The following IL12RB2 variants were observed in gnomAD, a reference collection of about 807,000 sequenced individuals.
IL12RB2 encodes interleukin 12 receptor subunit beta 2, also known as interleukin-12 receptor subunit beta-2.
A neutral mutation model predicts 89.4 loss-of-function variants in IL12RB2; 82 were observed. That is an observed-to-expected ratio of 0.92 (90% CI 0.77 to 1.10). The LOEUF is 1.10. Among genes scored for constraint, IL12RB2 ranks in the 50% least tolerant of loss-of-function variants. The probability of loss-of-function intolerance (pLI) is 0.00; values close to 1 mark genes in which losing one functional copy is unlikely to be tolerated. For synonymous variants in IL12RB2, 368 were observed against 370.1 expected (o/e 0.99, Z 0.07); for missense variants, 963 against 1,031.9 (o/e 0.93, Z 0.92).
intron 8 of IL12RB2, among the ~76,000 whole-genome samples, chr1:67,332,908 T>G (rs555552536): frequency 7.5e-4 from 115 of 152,358 alleles, no homozygotes; most frequent in Middle Eastern, 6.8e-3. Context: ...CTTTTCTTTT[T>G]TAAAAAGTGT....
chr1:67,328,470 G>A (rs765090574), intron 6 of IL12RB2, 86 bp downstream of exon 6: 87 of 1,596,090 alleles, frequency 5.5e-5, no homozygotes, highest in Non-Finnish European at 6.9e-5. Context: ...TTTCAAGAAA[G>A]ACAGAGATTG....
In IL12RB2 at chr1:67,398,251, A is replaced by G. The variant is rs1345765012; in HGVS notation, c.*2162A>G. ...TGACTGGCACAAACCATGACAGACA[A>G]GGCCACCTCCTCAGAAGCGGAACAA... On this transcript the variant is annotated 3_prime_UTR_variant, in exon 17 of 17. Transcript: ENST00000674203. Among the ~76,000 whole-genome samples, 1 of 152,138 alleles carries G rather than the reference A, an allele frequency of 6.6e-6. No individual in the cohort carries two copies. The highest frequency in any genetic ancestry group is 1.9e-4 in the East Asian group (1 of 5,198).
At chr1:67,318,291 T>C (rs1251817907) in intron 2 of IL12RB2, among the ~76,000 whole-genome samples, 1 of 152,196 alleles carries the variant, frequency 6.6e-6, no homozygotes, top group Non-Finnish European at 1.5e-5. Flanking sequence ...GGGCTGTGGA[T>C]ATTTTTCTAA....
At chr1:67,370,659 AGAAAG>A (rs1388549225) in intron 11 of IL12RB2, among the ~76,000 whole-genome samples, 1 of 152,230 alleles carries the variant, frequency 6.6e-6, no homozygotes, top group Non-Finnish European at 1.5e-5. Flanking sequence ...GCCAGACTCT[AGAAAG>A]GAAATAAAAG....
intron 9 of IL12RB2, among the ~76,000 whole-genome samples, chr1:67,342,218 G>T (rs953794301): frequency 6.7e-6 from 1 of 150,276 alleles, no homozygotes. Flanking sequence ...GGTTTTTTTT[G>T]TTTTTTTTTG....
chr1:67,379,509 C>CAAAAAAAAAAA (rs58494224), intron 13 of IL12RB2, among the ~76,000 whole-genome samples: 5 of 68,490 alleles, frequency 7.3e-5, no homozygotes, highest in Non-Finnish European at 1.3e-4. Context: ...GAACCTGTCT[C>CAAAAAAAAAAA]AAAAAAAAAA....
chr1:67,393,142 A>T (rs1357528176), intron 16 of IL12RB2, among the ~76,000 whole-genome samples: 1 of 152,172 alleles, frequency 6.6e-6, no homozygotes, highest in Non-Finnish European at 1.5e-5. Context: ...ACAGAAACAC[A>T]ATAGTGTGTC....
At position 67,350,450 on chromosome 1, in the gene IL12RB2, G is replaced by A. The variant is rs1479521771; in HGVS notation, c.1039-420G>A. Among the ~76,000 whole-genome samples the A allele has an allele frequency of 3.3e-5, 5 of 152,348 alleles. No homozygotes were observed. The East Asian group carries it at 7.7e-4, about 24-fold the overall frequency. On this transcript the variant is annotated intron_variant, in intron 9 of 16. Coordinates refer to ENST00000674203, the MANE Select transcript of IL12RB2 (RefSeq NM_001374259.2). ...CTTCTGTAGAAAAGGTTATATGTGT[G>A]TGTGTGATTTACAAATTTAGAAATG...
In IL12RB2 at chr1:67,321,907, A is replaced by G. The variant is rs750327354; in HGVS notation, c.364+18A>G. The G allele has an allele frequency of 3.1e-6, 5 of 1,608,334 alleles. No homozygotes were observed. Among genetic ancestry groups the G allele is most frequent in the Non-Finnish European group, 3.4e-6 (4 of 1,174,762 alleles). On this transcript the variant is annotated intron_variant, in intron 4 of 16. Transcript: ENST00000674203. ...CGTTGGTGGTGAGCATTCCATTTTG[A>G]ATTTTTAAAACTTGGTGATCTTTTG... is the stretch of plus-strand genomic sequence containing the variant.
At chr1:67,323,527 A>T (rs1332627595) in intron 4 of IL12RB2, among the ~76,000 whole-genome samples, 1 of 152,200 alleles carries the variant, frequency 6.6e-6, no homozygotes, top group African/African-American at 2.4e-5. Context: ...GGCACATGGG[A>T]GGCATTCAGG....
intron 2 of IL12RB2, among the ~76,000 whole-genome samples, chr1:67,318,267 A>T (rs1045806347): frequency 6.6e-6 from 1 of 152,140 alleles, no homozygotes; most frequent in Non-Finnish European, 1.5e-5. Flanking sequence ...TGGCTGAGAG[A>T]TTGTGTGTGG....
At chr1:67,374,490 T>TTTTC (rs1240717121) in intron 13 of IL12RB2, among the ~76,000 whole-genome samples, 1 of 151,842 alleles carries the variant, frequency 6.6e-6, no homozygotes, top group Non-Finnish European at 1.5e-5. Context: ...TTTTTTTTTT[T>TTTTC]TTTCATACGG....
At chr1:67,358,118 G>C (rs1445534494) in intron 10 of IL12RB2, among the ~76,000 whole-genome samples, 1 of 151,358 alleles carries the variant, frequency 6.6e-6, no homozygotes, top group Non-Finnish European at 1.5e-5. Flanking sequence ...ACAATATTTA[G>C]GGAGAAAAAA....
Position 67,396,149 on chromosome 1 carries a change from T to A in IL12RB2, c.*60T>A, listed in dbSNP as rs1454619504. ...CTCAACCAGCACAGCCTGCCCCAAT[T>A]CCCCCAGCCCCTGCTCCAGCAGCTG... On this transcript the variant is annotated 3_prime_UTR_variant, in exon 17 of 17. Coordinates refer to ENST00000674203, the MANE Select transcript of IL12RB2 (RefSeq NM_001374259.2). 1 of 985,756 alleles carries A rather than the reference T, an allele frequency of 1.0e-6. No homozygotes were observed. Among genetic ancestry groups the A allele is most frequent in the Non-Finnish European group, 1.6e-6 (1 of 615,738 alleles). The allele number at this position is 985,756 out of a possible 1,614,324, so 61.1% of individuals were successfully genotyped here.
At chr1:67,341,529 G>GA (rs368547295) in intron 9 of IL12RB2, among the ~76,000 whole-genome samples, 54,859 of 108,810 alleles carry the variant, frequency 0.5, 16,763 homozygotes, top group South Asian at 0.65. Flanking sequence ...AAAAAAGAAA[G>GA]AGAAAGAAAG....
intron 11 of IL12RB2, 107 bp downstream of exon 11, chr1:67,368,132 G>C (rs1662912502): frequency 1.3e-6 from 1 of 748,772 alleles, no homozygotes. Flanking sequence ...GTGGCTACAT[G>C]ATGAGAGAGA....
At chr1:67,329,874 A>G in intron 7 of IL12RB2, 145 bp downstream of exon 7, 4 of 690,184 alleles carry the variant, frequency 5.8e-6, no homozygotes, top group South Asian at 1.6e-5. Flanking sequence ...AAAGTCATGT[A>G]TGCCTCTGTT....
At chr1:67,341,555 G>A (rs924454016) in intron 9 of IL12RB2, among the ~76,000 whole-genome samples, 9 of 12,438 alleles carry the variant, frequency 7.2e-4, no homozygotes, top group Admixed American at 4.3e-3. Context: ...AAGAAAGAAA[G>A]AAAGAAAGAA....
Position 67,350,916 on chromosome 1 carries a change from TG to T in IL12RB2, c.1086del (p.Thr363ProfsTer5). 2 of 1,614,068 alleles carry T rather than the reference TG, an allele frequency of 1.2e-6. No individual in the cohort carries two copies. Among genetic ancestry groups the T allele is most frequent in the South Asian group, 1.1e-5 (1 of 91,078 alleles). ...EARGKILHYQ[V>X]TLQELTGGKA... ...AGAGGAAAAATTCTCCACTATCAGG[TG>T]ACCTTGCAGGAGCTGACAGGAGGGA... On this transcript the variant is annotated frameshift_variant, in exon 10 of 17. Transcript: ENST00000674203. LOFTEE classifies it high-confidence loss of function.
Sources: allele counts gnomAD v4.1 joint callset (sites outside exome capture counted in the v4.1 genomes callset), GRCh38; gene constraint gnomAD v4.1.1; transcripts MANE v1.5; gene names NCBI Gene and HGNC (gene_info 2026-07-23, HGNC 2026-07-21).